PLCL2: variants seen among roughly 807,000 people sequenced by gnomAD.
PLCL2 encodes the protein inactive phospholipase C-like protein 2.
A neutral mutation model predicts 79.6 loss-of-function variants in PLCL2; 4 were observed. The ratio of observed to expected loss-of-function variants is 0.05; its 90% CI spans 0.02 to 0.11. PLCL2 has a LOEUF of 0.11. Ranked by LOEUF, PLCL2 falls within the 10% of genes least tolerant of loss-of-function variation. PLCL2 has a pLI of 1.00. For missense variants in PLCL2, 895 were observed against 1,291.0 expected, an observed-to-expected ratio of 0.69 and a Z score of 4.70; for synonymous variants, 484 against 457.7, an observed-to-expected ratio of 1.06 and a Z score of -0.73.
At chr3:17,021,828 G>A (rs1223444868) in intron 3 of PLCL2, among the ~76,000 whole-genome samples, 1 of 152,144 alleles carries the variant, frequency 6.6e-6, no homozygotes, top group East Asian at 1.9e-4. Flanking sequence ...GACAAGAAAT[G>A]ATAAATGCTA....
chr3:16,955,157 T>C (rs1363141899), intron 1 of PLCL2, among the ~76,000 whole-genome samples: 4 of 152,226 alleles, frequency 2.6e-5, no homozygotes, highest in African/African-American at 9.6e-5. Flanking sequence ...TGTATGGTTT[T>C]AGGTCTAACA....
intron 5 of PLCL2, among the ~76,000 whole-genome samples, chr3:17,085,057 T>C (rs1432167542): frequency 6.6e-6 from 1 of 152,006 alleles, no homozygotes; most frequent in Non-Finnish European, 1.5e-5. Flanking sequence ...AAAAATCTCC[T>C]CGAACAATAT....
rs376021613 is a variant in PLCL2, at chr3:17,009,654, C to T, written c.328-20C>T. 186 of 1,286,194 alleles carry T rather than the reference C, an allele frequency of 1.4e-4. No homozygotes were observed. The African/African-American group carries it at 2.1e-3, about 15-fold the overall frequency. 79.7% of individuals were successfully genotyped at this position (1,286,194 alleles called of 1,614,324 possible). The stretch of plus-strand genomic sequence containing the variant: ...CCTATATTTATGTTATTCTAATATA[C>T]GGTCTTTTTTTCCTCTCAGGATGGT... On this transcript the variant is annotated intron_variant, in intron 1 of 5. Coordinates refer to ENST00000615277, the MANE Select transcript of PLCL2 (RefSeq NM_001144382.2). The surrounding 1 kb of genome is among the most constrained non-coding windows in gnomAD (Gnocchi z 4.0).
At chr3:16,965,211 G>T (rs1470054912) in intron 1 of PLCL2, among the ~76,000 whole-genome samples, 1 of 152,162 alleles carries the variant, frequency 6.6e-6, no homozygotes, top group Non-Finnish European at 1.5e-5. Flanking sequence ...GTATAAGGAA[G>T]GGATCCAGTT....
chr3:17,069,324 GTTC>G (rs953475596), intron 5 of PLCL2, among the ~76,000 whole-genome samples: 2 of 152,180 alleles, frequency 1.3e-5, no homozygotes, highest in African/African-American at 4.8e-5. Flanking sequence ...TTGGGAGGAA[GTTC>G]TTCTGTGCTG....
At chr3:17,002,770 T>C (rs915658826) in intron 1 of PLCL2, among the ~76,000 whole-genome samples, 10 of 152,110 alleles carry the variant, frequency 6.6e-5, no homozygotes, top group African/African-American at 2.4e-4. Context: ...GTTTTGTTTT[T>C]CTAAAAAAAA....
In PLCL2 at chr3:16,890,119, C is replaced by T. The variant is rs114385267; in HGVS notation, c.327+4753C>T. 3.5e-3 allele frequency among the ~76,000 whole-genome samples: 532 copies of T among 152,300 alleles called. 4 individuals carry two copies. The highest frequency in any genetic ancestry group is 0.011 in the African/African-American group (451 of 41,558). On this transcript the variant is annotated intron_variant, in intron 1 of 5. Transcript: ENST00000615277. Reference sequence around the variant, plus strand: ...CCAAAGCATGGTTGCTTGTTTTAGCCTGCTCAAAGAGCTTTTGTCACAATT... The same window carrying T: ...CCAAAGCATGGTTGCTTGTTTTAGCTTGCTCAAAGAGCTTTTGTCACAATT...
intron 4 of PLCL2, 107 bp from the exon 5 acceptor site, chr3:17,067,849 C>T: frequency 6.7e-6 from 4 of 593,518 alleles, no homozygotes; most frequent in South Asian, 2.4e-5. Context: ...TGAAATTCCA[C>T]TGGAGGTTGG....
chr3:16,893,726 T>C (rs1472400702), intron 1 of PLCL2, among the ~76,000 whole-genome samples: 2 of 152,248 alleles, frequency 1.3e-5, no homozygotes, highest in Non-Finnish European at 2.9e-5. Flanking sequence ...GAACAAGATG[T>C]GGTCTTCTAG....
At chr3:16,980,705 G>A (rs1001674328) in intron 1 of PLCL2, among the ~76,000 whole-genome samples, 10 of 152,080 alleles carry the variant, frequency 6.6e-5, no homozygotes, top group African/African-American at 1.2e-4. Context: ...GCGGCCAGGC[G>A]GAGACGCCCC....
At chr3:16,937,846 C>A (rs1697578035) in intron 1 of PLCL2, among the ~76,000 whole-genome samples, 1 of 152,140 alleles carries the variant, frequency 6.6e-6, no homozygotes, top group Non-Finnish European at 1.5e-5. Flanking sequence ...AAAGGAGCCA[C>A]GTCATGTACT....
chr3:17,086,818 A>G (rs2065224711), intron 5 of PLCL2, among the ~76,000 whole-genome samples: 1 of 152,208 alleles, frequency 6.6e-6, no homozygotes, highest in African/African-American at 2.4e-5. Context: ...CTTAAAACTC[A>G]ACAGTAAGGA....
At chr3:16,915,215 C>T (rs573646136) in intron 1 of PLCL2, among the ~76,000 whole-genome samples, 4 of 152,298 alleles carry the variant, frequency 2.6e-5, no homozygotes, top group African/African-American at 9.6e-5. Context: ...ACATTCTTCT[C>T]GCTATGAGGT....
intron 1 of PLCL2, among the ~76,000 whole-genome samples, chr3:16,902,881 T>TGTGTGTGTGTGTGTGTGCGC (rs1272936432): frequency 7.5e-6 from 1 of 133,900 alleles, no homozygotes; most frequent in African/African-American, 2.8e-5. Flanking sequence ...TGTGTGTGTG[T>TGTGTGTGTGTGTGTGTGCGC]GNGCGCATGT....
intron 1 of PLCL2, among the ~76,000 whole-genome samples, chr3:16,971,531 G>A (rs1243373115): frequency 6.6e-6 from 1 of 152,104 alleles, no homozygotes; most frequent in Non-Finnish European, 1.5e-5. Context: ...TGGCAATGCG[G>A]GCTCTTTTTT....
chr3:17,012,165 G>A lies in PLCL2; in HGVS notation c.2814+5G>A, dbSNP rs367546228. 6.2e-6 allele frequency: 10 copies of A among 1,600,652 alleles called. No homozygotes were observed. The highest frequency in any genetic ancestry group is 1.3e-5 in the African/African-American group (1 of 74,352). On this transcript the variant is annotated splice_donor_5th_base_variant and intron_variant, in intron 2 of 5. Transcript: ENST00000615277. ...GATCTGAGAGAAAACATGCAGGTGCGTGCTTGTGTTTAATCATTTACTCAA... is the reference window on the plus strand; with the variant it reads ...GATCTGAGAGAAAACATGCAGGTGCATGCTTGTGTTTAATCATTTACTCAA...
chr3:16,933,466 G>A (rs767670156), intron 1 of PLCL2, among the ~76,000 whole-genome samples: 2 of 152,064 alleles, frequency 1.3e-5, no homozygotes, highest in Non-Finnish European at 2.9e-5. Context: ...AGATTATACA[G>A]GGAAAGTCCT....
intron 1 of PLCL2, among the ~76,000 whole-genome samples, chr3:16,893,939 G>A (rs1696410613): frequency 6.6e-6 from 1 of 152,126 alleles, no homozygotes; most frequent in African/African-American, 2.4e-5. Flanking sequence ...GGTAGCAGGT[G>A]TATGCTCTTT....
chr3:16,893,799 A>G (rs1024025192), intron 1 of PLCL2, among the ~76,000 whole-genome samples: 8 of 152,256 alleles, frequency 5.3e-5, no homozygotes, highest in African/African-American at 1.9e-4. Context: ...ATGTGTACAC[A>G]TGCTATACTT....
Sources: allele counts gnomAD v4.1 joint callset (sites outside exome capture counted in the v4.1 genomes callset), GRCh38; gene constraint gnomAD v4.1.1; non-coding constraint Gnocchi (gnomAD v3.1); transcripts MANE v1.5; gene names NCBI Gene and HGNC (gene_info 2026-07-23, HGNC 2026-07-21).